The following NAA35 variants were observed in gnomAD, a reference collection of about 807,000 sequenced individuals.
The protein encoded by NAA35 is N-alpha-acetyltransferase 35, NatC auxiliary subunit, also known as MAK10 homolog, amino-acid N-acetyltransferase subunit.
Under a neutral mutation model 101.7 loss-of-function variants are expected in NAA35, and 18 were observed. The observed-to-expected ratio is 0.18, with a 90% CI of 0.12 to 0.26. The LOEUF is 0.26. Among genes scored for constraint, NAA35 ranks in the 10% least tolerant of loss-of-function variants. NAA35 has a pLI of 1.00. For missense variants in NAA35, 601 were observed against 886.8 expected, an observed-to-expected ratio of 0.68 and a Z score of 4.09; for synonymous variants, 267 against 273.1, an observed-to-expected ratio of 0.98 and a Z score of 0.22.
chr9:86,024,925 G>A lies in NAA35; in HGVS notation c.*2965G>A, dbSNP rs1408379199. Among the ~76,000 whole-genome samples, 2 of 152,108 alleles carry A rather than the reference G, an allele frequency of 1.3e-5. No individual in the cohort carries two copies. The highest frequency in any genetic ancestry group is 2.9e-5 in the Non-Finnish European group (2 of 68,020). ...CAGGGAGCTCCTAGAGTAAGGGACT[G>A]AGATAGGTCCCAAGGAATAGACTTG... On this transcript the variant is annotated 3_prime_UTR_variant, in exon 23 of 23. Coordinates refer to ENST00000361671, the MANE Select transcript of NAA35 (RefSeq NM_024635.4).
At chr9:85,995,148 A>G (rs950013789) in intron 11 of NAA35, among the ~76,000 whole-genome samples, 2 of 152,046 alleles carry the variant, frequency 1.3e-5, no homozygotes, top group African/African-American at 4.8e-5. Flanking sequence ...CCCATGTATC[A>G]TAATGTTTTG....
chr9:85,991,707 T>G (rs1830919274), intron 11 of NAA35, among the ~76,000 whole-genome samples: 1 of 152,132 alleles, frequency 6.6e-6, no homozygotes, highest in African/African-American at 2.4e-5. Flanking sequence ...GAGATTGTAG[T>G]GGACTGAATG....
At chr9:85,980,182 C>G (rs1830375722) in intron 11 of NAA35, among the ~76,000 whole-genome samples, 1 of 152,138 alleles carries the variant, frequency 6.6e-6, no homozygotes. Context: ...TCCATGCCTT[C>G]CCTGGGTGTA....
intron 6 of NAA35, among the ~76,000 whole-genome samples, chr9:85,964,706 C>G (rs1048170539): frequency 1.3e-5 from 2 of 152,078 alleles, no homozygotes; most frequent in Admixed American, 6.5e-5. Context: ...TCTTTCCTTA[C>G]GATTAGATTA....
chr9:86,007,206 T>G, intron 13 of NAA35, 152 bp from the exon 14 acceptor site: 1 of 468,254 alleles, frequency 2.1e-6, no homozygotes, highest in South Asian at 3.3e-5. Context: ...TAAGTAACAC[T>G]CATTGTGGAG....
At chr9:86,015,979 AATT>A (rs969174319) in intron 17 of NAA35, among the ~76,000 whole-genome samples, 1 of 151,914 alleles carries the variant, frequency 6.6e-6, no homozygotes, top group African/African-American at 2.4e-5. Context: ...CTCCATATGA[AATT>A]ATAGGCCTTA....
At chr9:85,944,974 C>T (rs971477824) in intron 2 of NAA35, among the ~76,000 whole-genome samples, 13 of 152,194 alleles carry the variant, frequency 8.5e-5, no homozygotes, top group African/African-American at 2.4e-4. Flanking sequence ...TTTAGTCTTG[C>T]AGCTTTCTTT....
At chr9:85,982,946 T>G (rs1427641242) in intron 11 of NAA35, among the ~76,000 whole-genome samples, 1 of 152,216 alleles carries the variant, frequency 6.6e-6, no homozygotes, top group Non-Finnish European at 1.5e-5. Flanking sequence ...CAGCCCAGTT[T>G]ATACAGTGGA....
At position 86,022,711 on chromosome 9, in the gene NAA35, G is replaced by A. The variant is rs796710212; in HGVS notation, c.*751G>A. On this transcript the variant is annotated 3_prime_UTR_variant, in exon 23 of 23. Coordinates refer to ENST00000361671, the MANE Select transcript of NAA35 (RefSeq NM_024635.4). ...TTACTTCATATTCAGTTTAACCCAT[G>A]AAACATTTTCAAATGGGTGTCTGTT... 2.0e-5 allele frequency among the ~76,000 whole-genome samples: 3 copies of A among 152,296 alleles called. No homozygotes were observed. Among genetic ancestry groups the A allele is most frequent in the African/African-American group, 7.2e-5 (3 of 41,572 alleles).
intron 14 of NAA35, among the ~76,000 whole-genome samples, chr9:86,009,374 A>C (rs951486700): frequency 4.6e-5 from 7 of 152,178 alleles, no homozygotes; most frequent in Non-Finnish European, 1.0e-4. Context: ...GAGATAAGGA[A>C]CACCGTAAAG....
chr9:85,983,730 G>A (rs1230534174), intron 11 of NAA35, among the ~76,000 whole-genome samples: 6 of 152,016 alleles, frequency 3.9e-5, no homozygotes, highest in Admixed American at 2.0e-4. Flanking sequence ...ATGGGTTGAT[G>A]GCTCAGCAAA....
At position 85,998,149 on chromosome 9, in the gene NAA35, C is replaced by T. The variant is rs143182835; in HGVS notation, c.1056+1572C>T. 5.1e-3 allele frequency among the ~76,000 whole-genome samples: 778 copies of T among 152,112 alleles called. 4 individuals carry two copies. Among genetic ancestry groups the T allele is most frequent in the African/African-American group, 0.018 (737 of 41,500 alleles). ...CAGGATGGTCTTGATTTCCTGACCT[C>T]GTGATCCACCCACCTTGGCCTCCGA... On this transcript the variant is annotated intron_variant, in intron 12 of 22. Transcript: ENST00000361671.
intron 18 of NAA35, 99 bp from the exon 19 acceptor site, chr9:86,017,399 C>A: frequency 9.5e-7 from 1 of 1,050,704 alleles, no homozygotes; most frequent in Non-Finnish European, 1.4e-6. Flanking sequence ...ATTTAGTATA[C>A]AAGCTGAAAG....
rs1218349185 is a variant in NAA35, at chr9:86,022,113, A to G, written c.*153A>G. On this transcript the variant is annotated 3_prime_UTR_variant, in exon 23 of 23. Transcript: ENST00000361671. Reference sequence around the variant, plus strand: ...AATACTTTTAGTTTGACAGCCTTATATGACATGAATGAAAACTGCTGTTTT... The same window carrying G: ...AATACTTTTAGTTTGACAGCCTTATGTGACATGAATGAAAACTGCTGTTTT... 8 of 580,934 alleles carry G rather than the reference A, an allele frequency of 1.4e-5. No individual in the cohort carries two copies. Among genetic ancestry groups the G allele is most frequent in the Non-Finnish European group, 2.4e-5 (8 of 335,608 alleles). 36.0% of individuals were successfully genotyped at this position (580,934 alleles called of 1,614,324 possible). A position where few individuals can be genotyped will look rare whatever the true frequency, so the allele number is the denominator to read the frequency against.
intron 4 of NAA35, among the ~76,000 whole-genome samples, chr9:85,959,204 G>A (rs1477216483): frequency 2.0e-5 from 3 of 151,752 alleles, no homozygotes; most frequent in Non-Finnish European, 2.9e-5. Context: ...GTGAAACCCC[G>A]TCTCTACTAA....
rs367803364 is a variant in NAA35 at position 86,021,700 on chromosome 9, T to C, written c.2119-201T>C. Among the ~76,000 whole-genome samples, 4 of 152,344 alleles carry C rather than the reference T, an allele frequency of 2.6e-5. No individual in the cohort carries two copies. The East Asian group carries it at 5.8e-4, about 22-fold the overall frequency. On this transcript the variant is annotated intron_variant, in intron 22 of 22. Coordinates refer to ENST00000361671, the MANE Select transcript of NAA35 (RefSeq NM_024635.4). The stretch of plus-strand genomic sequence containing the variant: ...TGGTCAGCCTGTTTTCTTATGATCT[T>C]CATAAAACTCAAAAACAAATTAATC...
chr9:86,001,847 G>A (rs115015229), intron 12 of NAA35, among the ~76,000 whole-genome samples: 2,134 of 152,040 alleles, frequency 0.014, 47 homozygotes, highest in African/African-American at 0.047. Flanking sequence ...TTCTTAAGTG[G>A]GCCATTTAGC....
At chr9:85,969,690 C>T (rs937101291) in intron 6 of NAA35, among the ~76,000 whole-genome samples, 7 of 151,908 alleles carry the variant, frequency 4.6e-5, no homozygotes, top group African/African-American at 1.7e-4. Flanking sequence ...AGCAAGACCC[C>T]ATCTACAAAA....
chr9:85,982,161 T>C (rs1010311183), intron 11 of NAA35, among the ~76,000 whole-genome samples: 17 of 152,178 alleles, frequency 1.1e-4, no homozygotes, highest in African/African-American at 3.9e-4. Flanking sequence ...ATGGGATTTT[T>C]TTGACGTGGT....
Sources: allele counts gnomAD v4.1 joint callset (sites outside exome capture counted in the v4.1 genomes callset), GRCh38; gene constraint gnomAD v4.1.1; transcripts MANE v1.5; gene names NCBI Gene and HGNC (gene_info 2026-07-23, HGNC 2026-07-21).